The following CHD1 variants were observed in gnomAD, a reference collection of about 807,000 sequenced individuals.
CHD1 encodes ATP-dependent chromatin remodeler CHD1.
Under a neutral mutation model 224.2 loss-of-function variants are expected in CHD1, and 36 were observed. That is an observed-to-expected ratio of 0.16 (90% CI 0.12 to 0.21). The LOEUF is 0.21. Ranked by LOEUF, CHD1 falls within the 10% of genes least tolerant of loss-of-function variation. CHD1 has a pLI of 1.00. For missense variants in CHD1, 1,378 were observed against 1,994.8 expected, an observed-to-expected ratio of 0.69 and a Z score of 5.89; for synonymous variants, 668 against 658.3, an observed-to-expected ratio of 1.01 and a Z score of -0.23.
chr5:98,888,180 C>G lies in CHD1; in HGVS notation c.2404G>C (p.Glu802Gln). 1 of 1,611,356 alleles carries G rather than the reference C, an allele frequency of 6.2e-7. No homozygotes were observed. Among genetic ancestry groups the G allele is most frequent in the Non-Finnish European group, 8.5e-7 (1 of 1,178,194 alleles). Reference sequence around the variant, plus strand: ...AAAATAAGAACTCGATTGCCTCGTTCTCTTAGGCGAATTAATAGCTTGTCA... The same window carrying G: ...AAAATAAGAACTCGATTGCCTCGTTGTCTTAGGCGAATTAATAGCTTGTCA... ...LLDKLLIRLRERGNRVLIFSQ... is the reference protein window; with the variant it reads ...LLDKLLIRLRQRGNRVLIFSQ... Residue 802 changes from glutamate to glutamine, a missense_variant, in exon 17 of 36, where the codon GAA becomes CAA. Transcript: ENST00000614616.
intron 32 of CHD1, among the ~76,000 whole-genome samples, chr5:98,863,027 C>A (rs1748592360): frequency 6.6e-6 from 1 of 152,056 alleles, no homozygotes; most frequent in Non-Finnish European, 1.5e-5. Flanking sequence ...CATCTTTATA[C>A]ATGTATCCAG....
In CHD1 at chr5:98,858,885, T is replaced by TA. The variant is rs1431918381; in HGVS notation, c.4576+78dup. The TA allele has an allele frequency of 1.4e-5, 12 of 872,656 alleles. No homozygotes were observed. In the South Asian group the frequency reaches 2.6e-4, roughly 19 times the overall value. The allele number at this position is 872,656 out of a possible 1,614,324, so 54.1% of individuals were successfully genotyped here. A position where few individuals can be genotyped will look rare whatever the true frequency, so the allele number is the denominator to read the frequency against. Reference sequence around the variant, plus strand: ...ATAAAAACAAGGTAAGAACCTTTTTTATCATTTGGTTTATTTAAAACAAAA... The same window carrying TA: ...ATAAAAACAAGGTAAGAACCTTTTTTAATCATTTGGTTTATTTAAAACAAAA... On this transcript the variant is annotated intron_variant, in intron 34 of 35. Transcript: ENST00000614616.
chr5:98,896,176 C>A (rs747127272), intron 12 of CHD1, 50 bp downstream of exon 12: 4 of 1,479,690 alleles, frequency 2.7e-6, no homozygotes, highest in Non-Finnish European at 3.8e-6. Context: ...AACACTTGAT[C>A]TCAAAGACAA....
Position 98,873,293 on chromosome 5 carries a change from CTGTG to C in CHD1, c.3571+296_3571+299del, listed in dbSNP as rs112804898. ...ACCTATAGATACTATACATATTGTA[CTGTG>C]TGTGTGTATATATACACATATATCT... On this transcript the variant is annotated intron_variant, in intron 26 of 35. Coordinates refer to ENST00000614616, the MANE Select transcript of CHD1 (RefSeq NM_001270.4). 4.6e-3 allele frequency among the ~76,000 whole-genome samples: 701 copies of C among 151,922 alleles called. 7 individuals carry two copies. Among genetic ancestry groups the C allele is most frequent in the African/African-American group, 0.016 (642 of 41,418 alleles).
Position 98,904,900 on chromosome 5 carries a change from A to T in CHD1, c.252T>A (p.Ala84=). Reference sequence around the variant, plus strand: ...CATTGGGTATTTTATTGATTACCTCAGCTCCATCAACTTTCGGTGGTTTTG... The same window carrying T: ...CATTGGGTATTTTATTGATTACCTCTGCTCCATCAACTTTCGGTGGTTTTG... ...VQAKPPKVDG[A]EFWKSSPSIL... is the part of the protein sequence containing the mutation. Residue 84 remains alanine (A), a synonymous_variant, in exon 3 of 36, where the codon GCT becomes GCA. Coordinates refer to ENST00000614616, the MANE Select transcript of CHD1 (RefSeq NM_001270.4). The T allele has an allele frequency of 1.9e-6, 3 of 1,613,918 alleles. No homozygotes were observed. The highest frequency in any genetic ancestry group is 8.5e-7 in the Non-Finnish European group (1 of 1,179,814).
intron 31 of CHD1, among the ~76,000 whole-genome samples, chr5:98,866,211 G>C (rs1277377435): frequency 6.6e-6 from 1 of 152,094 alleles, no homozygotes; most frequent in Non-Finnish European, 1.5e-5. Flanking sequence ...AAAAATAAAA[G>C]TCCAGAGATA....
chr5:98,879,735 A>C lies in CHD1; in HGVS notation c.3061-7T>G, dbSNP rs576924394. 12 of 1,563,770 alleles carry C rather than the reference A, an allele frequency of 7.7e-6. No homozygotes were observed. The South Asian group carries it at 1.3e-4, about 17-fold the overall frequency. On this transcript the variant is annotated splice_region_variant and splice_polypyrimidine_tract_variant and intron_variant, in intron 22 of 35. Coordinates refer to ENST00000614616, the MANE Select transcript of CHD1 (RefSeq NM_001270.4). Reference sequence around the variant, plus strand: ...TATTTGAGAAGTTGGCAACCTGATAAATTTCAGAATTTTAAGAGTAACTGT... The same window carrying C: ...TATTTGAGAAGTTGGCAACCTGATACATTTCAGAATTTTAAGAGTAACTGT...
chr5:98,900,708 C>T lies in CHD1; in HGVS notation c.859+103G>A, dbSNP rs451883. The T allele has an allele frequency of 6.8e-6, 7 of 1,024,778 alleles. 1 individual carries two copies. In the South Asian group the frequency reaches 9.9e-5, roughly 14 times the overall value. The allele number at this position is 1,024,778 out of a possible 1,614,324, so 63.5% of individuals were successfully genotyped here. On this transcript the variant is annotated intron_variant, in intron 7 of 35. Transcript: ENST00000614616. ...AACTCCTGATCCATCGGCCTCGGCCCCCCAAAGTACTGGGATTACAGGGGC... is the reference window on the plus strand; with the variant it reads ...AACTCCTGATCCATCGGCCTCGGCCTCCCAAAGTACTGGGATTACAGGGGC...
At chr5:98,903,668 C>T (rs954119942) in intron 4 of CHD1, 124 bp downstream of exon 4, 24 of 778,454 alleles carry the variant, frequency 3.1e-5, no homozygotes, top group Admixed American at 1.1e-4. Flanking sequence ...TTGATATATA[C>T]ACTTAAAGTA....
At chr5:98,864,818 T>C (rs1408850222) in intron 31 of CHD1, among the ~76,000 whole-genome samples, 1 of 152,210 alleles carries the variant, frequency 6.6e-6, no homozygotes, top group Non-Finnish European at 1.5e-5. Context: ...TAACTTTTAG[T>C]TTATTCATTG....
intron 2 of CHD1, among the ~76,000 whole-genome samples, chr5:98,912,768 G>A (rs1382265749): frequency 3.3e-5 from 5 of 152,180 alleles, no homozygotes; most frequent in Admixed American, 1.3e-4. Flanking sequence ...GACTGTTTAC[G>A]TGTATTTAAA....
intron 31 of CHD1, 146 bp downstream of exon 31, chr5:98,868,349 A>AAT: frequency 3.0e-6 from 2 of 665,386 alleles, no homozygotes; most frequent in Non-Finnish European, 4.5e-6. Flanking sequence ...AAAAAAAAAA[A>AAT]AAGACACCCT....
chr5:98,866,216 G>A (rs1748855908), intron 31 of CHD1, among the ~76,000 whole-genome samples: 1 of 152,150 alleles, frequency 6.6e-6, no homozygotes, highest in South Asian at 2.1e-4. Flanking sequence ...TAAAAGTCCA[G>A]AGATAAAAAA....
At chr5:98,922,088 G>T (rs1753134524) in intron 2 of CHD1, among the ~76,000 whole-genome samples, 1 of 152,080 alleles carries the variant, frequency 6.6e-6, no homozygotes, top group South Asian at 2.1e-4. Context: ...GGAGACGGAG[G>T]CTGCAGTGAG....
At chr5:98,924,115 G>A (rs1395616629) in intron 2 of CHD1, among the ~76,000 whole-genome samples, 3 of 152,140 alleles carry the variant, frequency 2.0e-5, no homozygotes, top group African/African-American at 7.2e-5. Flanking sequence ...AATTAGCTGA[G>A]TGTGGTGGCA....
chr5:98,874,190 T>C (rs1016581434), intron 25 of CHD1, among the ~76,000 whole-genome samples: 3 of 152,148 alleles, frequency 2.0e-5, no homozygotes, highest in African/African-American at 7.2e-5. Context: ...AAACAAAATA[T>C]ATCTATTTTT....
In CHD1 at chr5:98,872,111, T is replaced by C; in HGVS notation, c.3801A>G (p.Glu1267=). The change falls in exon 28 of 36, where the codon GAA becomes GAG. Residue 1267 remains glutamate (E), a synonymous_variant. Coordinates refer to ENST00000614616, the MANE Select transcript of CHD1 (RefSeq NM_001270.4). ...DDSNLLIGIY[E]YGYGSWEMIK... Reference sequence around the variant, plus strand: ...TCATTTCCCAGCTTCCATATCCATATTCATAGATGCCAATTAACAAATTGG... The same window carrying C: ...TCATTTCCCAGCTTCCATATCCATACTCATAGATGCCAATTAACAAATTGG... 1 of 1,613,416 alleles carries C rather than the reference T, an allele frequency of 6.2e-7. No homozygotes were observed. The highest frequency in any genetic ancestry group is 1.7e-5 in the Admixed American group (1 of 60,008).
rs534242182 is a variant in CHD1 at position 98,854,831 on chromosome 5, C to T, written c.*1549G>A. ...GAAATTATGTCCACATACTTATATT[C>T]GTCAAAGATTCAAATTTGTTACATC... is the stretch of plus-strand genomic sequence containing the variant. On this transcript the variant is annotated 3_prime_UTR_variant, in exon 36 of 36. Transcript: ENST00000614616. The T allele has an allele frequency of 9.5e-4, 144 of 152,228 alleles. No homozygotes were observed. The highest frequency in any genetic ancestry group is 2.9e-3 in the African/African-American group (122 of 41,562). 9.4% of individuals were successfully genotyped at this position (152,228 alleles called of 1,614,324 possible).
At chr5:98,919,691 G>A (rs565975748) in intron 2 of CHD1, among the ~76,000 whole-genome samples, 33 of 152,286 alleles carry the variant, frequency 2.2e-4, no homozygotes, top group Admixed American at 1.2e-3. Flanking sequence ...TATAGCACAG[G>A]ATTAGAGTTG....
Sources: allele counts gnomAD v4.1 joint callset (sites outside exome capture counted in the v4.1 genomes callset), GRCh38; gene constraint gnomAD v4.1.1; transcripts MANE v1.5; gene names NCBI Gene and HGNC (gene_info 2026-07-23, HGNC 2026-07-21).